The following PPM1G variants were observed in gnomAD, a reference collection of about 807,000 sequenced individuals.
PPM1G encodes the protein protein phosphatase 1G.
In PPM1G, 12 loss-of-function variants were observed where a neutral mutation model predicts 59.4. That is an observed-to-expected ratio of 0.20 (90% CI 0.13 to 0.33). The LOEUF (loss-of-function observed/expected upper bound fraction) is 0.33. PPM1G is among the 10% of genes least tolerant of loss of function. PPM1G has a pLI of 1.00. For missense variants in PPM1G, 392 were observed against 681.3 expected (o/e 0.58, Z 4.73); for synonymous variants, 245 against 251.9 (o/e 0.97, Z 0.26).
intron 1 of PPM1G, among the ~76,000 whole-genome samples, chr2:27,390,079 C>T (rs898304926): frequency 4.6e-5 from 7 of 151,896 alleles, no homozygotes; most frequent in South Asian, 4.2e-4. Context: ...TAGAGTGGCG[C>T]GATCTAGGCT....
intron 1 of PPM1G, among the ~76,000 whole-genome samples, chr2:27,406,960 T>C (rs907394995): frequency 1.3e-5 from 2 of 150,336 alleles, no homozygotes; most frequent in Non-Finnish European, 2.9e-5. Context: ...GATTTATTTA[T>C]TTATTCTTTT....
intron 2 of PPM1G, 23 bp downstream of exon 2, chr2:27,387,066 C>T (rs1320182400): frequency 1.3e-6 from 2 of 1,578,150 alleles, no homozygotes; most frequent in Non-Finnish European, 1.7e-6. Flanking sequence ...TAGAATGTTA[C>T]CAATATGATC....
Position 27,409,332 on chromosome 2 carries a change from C to T in PPM1G, c.91G>A (p.Ala31Thr). 4 of 1,545,328 alleles carry T rather than the reference C, an allele frequency of 2.6e-6. No individual in the cohort carries two copies. Among genetic ancestry groups the T allele is most frequent in the Non-Finnish European group, 3.5e-6 (4 of 1,145,432 alleles). ...ATGGAGACGCGCCAGCCTTGCATGG[C>T]GGAGAAGCCGTAGGGCAGCGGCAGG... is the stretch of plus-strand genomic sequence containing the variant. ...PRLPLPYGFS[A>T]MQGWRVSMED... Residue 31 changes from alanine to threonine, a missense_variant, in exon 1 of 10, where the codon GCC becomes ACC. This residue lies in a region of PPM1G where 68 missense variants were observed against 145.9 expected (regional missense o/e 0.47). Coordinates refer to ENST00000344034, the MANE Select transcript of PPM1G (RefSeq NM_177983.3).
chr2:27,402,844 AT>A (rs1684216883), intron 1 of PPM1G, among the ~76,000 whole-genome samples: 2 of 148,028 alleles, frequency 1.4e-5, no homozygotes, highest in African/African-American at 5.1e-5. Context: ...AAATAAATAA[AT>A]AAATAAATAA....
intron 1 of PPM1G, among the ~76,000 whole-genome samples, chr2:27,388,136 C>G (rs563948530): frequency 6.6e-6 from 1 of 151,776 alleles, no homozygotes. Context: ...TGAGGCCAGG[C>G]GTGGTGGCTC....
chr2:27,387,215 C>A lies in PPM1G; in HGVS notation c.121-57G>T. On this transcript the variant is annotated intron_variant, in intron 1 of 9. Transcript: ENST00000344034. Reference sequence around the variant, plus strand: ...CAAGGTCGAAGAATATTCCTCAGGTCATAGGGATCAATGTCACCCCTTACT... The same window carrying A: ...CAAGGTCGAAGAATATTCCTCAGGTAATAGGGATCAATGTCACCCCTTACT... The A allele has an allele frequency of 2.1e-6, 3 of 1,438,236 alleles. No individual in the cohort carries two copies. In the South Asian group the frequency reaches 3.4e-5, roughly 17 times the overall value. The allele number at this position is 1,438,236 out of a possible 1,614,324, so 89.1% of individuals were successfully genotyped here.
In PPM1G at chr2:27,392,927, G is replaced by A. The variant is rs941102618; in HGVS notation, c.121-5769C>T. On this transcript the variant is annotated intron_variant, in intron 1 of 9. Coordinates refer to ENST00000344034, the MANE Select transcript of PPM1G (RefSeq NM_177983.3). Reference sequence around the variant, plus strand: ...GCCTTCACTTGTTCATTCAGGTAATGTGTCTCAATGAAGTCACACAAATGG... The same window carrying A: ...GCCTTCACTTGTTCATTCAGGTAATATGTCTCAATGAAGTCACACAAATGG... The A allele has an allele frequency of 2.3e-5, 32 of 1,414,412 alleles. No homozygotes were observed. The African/African-American group carries it at 3.8e-4, about 17-fold the overall frequency. The allele number at this position is 1,414,412 out of a possible 1,614,324, so 87.6% of individuals were successfully genotyped here.
intron 1 of PPM1G, among the ~76,000 whole-genome samples, chr2:27,397,161 GC>G (rs1021194618): frequency 6.6e-6 from 1 of 151,870 alleles, no homozygotes; most frequent in Non-Finnish European, 1.5e-5. Flanking sequence ...GAGCCACCAT[GC>G]CCAGCCACAA....
chr2:27,393,263 G>T, intron 1 of PPM1G: 1 of 1,590,002 alleles, frequency 6.3e-7, no homozygotes, highest in Non-Finnish European at 8.5e-7. Context: ...CCACGCACAG[G>T]TAAATGGAGG....
intron 2 of PPM1G, 50 bp downstream of exon 2, chr2:27,387,039 G>A (rs775905907): frequency 7.0e-6 from 10 of 1,435,246 alleles, no homozygotes; most frequent in African/African-American, 2.8e-5. Context: ...GCCCTGGAAC[G>A]TCTGGAATTG....
At position 27,381,243 on chromosome 2, in the gene PPM1G, A is replaced by G. The variant is rs1375682557; in HGVS notation, c.*356T>C. The G allele has an allele frequency of 6.0e-5, 22 of 365,484 alleles. 1 individual carries two copies. In the East Asian group the frequency reaches 1.2e-3, roughly 19 times the overall value. 22.6% of individuals were successfully genotyped at this position (365,484 alleles called of 1,614,324 possible). A position where few individuals can be genotyped will look rare whatever the true frequency, so the allele number is the denominator to read the frequency against. ...CTGAAAAAGTGTTGATTGAAAGTGT[A>G]CAACAGAGAGCGGGTGCAAGCGGCC... On this transcript the variant is annotated 3_prime_UTR_variant, in exon 10 of 10. Transcript: ENST00000344034.
chr2:27,408,316 A>G (rs1329549685), intron 1 of PPM1G, among the ~76,000 whole-genome samples: 2 of 152,180 alleles, frequency 1.3e-5, no homozygotes, highest in Non-Finnish European at 2.9e-5. Context: ...TACCAGACAG[A>G]GTATTTCCCT....
chr2:27,382,842 T>G lies in PPM1G; in HGVS notation c.1202-237A>C, dbSNP rs1683669697. On this transcript the variant is annotated intron_variant, in intron 7 of 9. Coordinates refer to ENST00000344034, the MANE Select transcript of PPM1G (RefSeq NM_177983.3). The surrounding 1 kb of genome is among the most constrained non-coding windows in gnomAD (Gnocchi z 4.2). ...TAAGTCTTTTTTGTTTTTTTTTTTT[T>G]GAGACGGAGTTTCACTCTTGTAGCC... Among the ~76,000 whole-genome samples, 1 of 151,530 alleles carries G rather than the reference T, an allele frequency of 6.6e-6. No individual in the cohort carries two copies. Among genetic ancestry groups the G allele is most frequent in the Admixed American group, 6.6e-5 (1 of 15,232 alleles).
At position 27,381,803 on chromosome 2, in the gene PPM1G, C is replaced by A; in HGVS notation, c.1437G>T (p.Leu479=). 1 of 1,612,462 alleles carries A rather than the reference C, an allele frequency of 6.2e-7. No individual in the cohort carries two copies. Among genetic ancestry groups the A allele is most frequent in the Non-Finnish European group, 8.5e-7 (1 of 1,179,904 alleles). Residue 479 remains leucine, a splice_region_variant and synonymous_variant, in exon 10 of 10, where the codon CTG becomes CTT. Transcript: ENST00000344034. ...TGTCTGGTGCCAGGCACTGATCCAG[C>A]AGCTAAGAAAGGGATGGGGGTAGCT... is the stretch of plus-strand genomic sequence containing the variant. ...LRLLSSIVEE[L]LDQCLAPDTS...
rs374563765 is a variant in PPM1G at position 27,381,719 on chromosome 2, G to A, written c.1521C>T (p.Pro507=). ...CTGGCTGGAGCTCTGCTGTGTTTCG[G>A]GGCTTGAAGCAAATGATGATGCAGG... ...NMTCIIICFK[P]RNTAELQPES... The change falls in exon 10 of 10, where the codon CCC becomes CCT. Residue 507 remains proline (P), a synonymous_variant. Transcript: ENST00000344034. The A allele has an allele frequency of 3.4e-5, 55 of 1,613,752 alleles. No homozygotes were observed. The African/African-American group carries it at 6.8e-4, about 20-fold the overall frequency.
rs1234641278 is a variant in PPM1G, at chr2:27,383,418, C to T, written c.1149G>A (p.Lys383=). Residue 383 remains lysine, a synonymous_variant, in exon 7 of 10, where the codon AAG becomes AAA. Transcript: ENST00000344034. The surrounding 1 kb of genome is among the most constrained non-coding windows in gnomAD (Gnocchi z 5.0). ...CGTTGACTCGCCCATCCATGGTGAC[C>T]TTGCCACCAGCATTCTTGATGCGTG... The part of the protein sequence containing the change: ...ELARIKNAGG[K]VTMDGRVNGG... The T allele has an allele frequency of 1.2e-6, 2 of 1,614,084 alleles. No homozygotes were observed. Among genetic ancestry groups the T allele is most frequent in the Non-Finnish European group, 1.7e-6 (2 of 1,180,054 alleles).
At chr2:27,404,146 G>A (rs1663273302) in intron 1 of PPM1G, among the ~76,000 whole-genome samples, 1 of 151,904 alleles carries the variant, frequency 6.6e-6, no homozygotes, top group African/African-American at 2.4e-5. Flanking sequence ...ATGACCCCTT[G>A]ACCACTAATA....
At chr2:27,397,052 A>G (rs1006096821) in intron 1 of PPM1G, among the ~76,000 whole-genome samples, 3 of 151,966 alleles carry the variant, frequency 2.0e-5, no homozygotes, top group African/African-American at 7.3e-5. Flanking sequence ...TATTTTTAGT[A>G]GAGATGGGGT....
At chr2:27,406,929 T>C (rs1305533180) in intron 1 of PPM1G, among the ~76,000 whole-genome samples, 1 of 152,054 alleles carries the variant, frequency 6.6e-6, no homozygotes, top group Non-Finnish European at 1.5e-5. Context: ...ACAAAAAGAC[T>C]TTCCTACGAA....
Sources: allele counts gnomAD v4.1 joint callset (sites outside exome capture counted in the v4.1 genomes callset), GRCh38; gene constraint gnomAD v4.1.1; regional missense constraint gnomAD v4.1.1; non-coding constraint Gnocchi (gnomAD v3.1); transcripts MANE v1.5; gene names NCBI Gene and HGNC (gene_info 2026-07-23, HGNC 2026-07-21).